Variants in ADARB2 observed in about 807,000 individuals in gnomAD.
ADARB2 encodes adenosine deaminase RNA specific B2 (inactive).
Under a neutral mutation model 62.2 loss-of-function variants are expected in ADARB2, and 25 were observed. The observed-to-expected ratio is 0.40, with a 90% confidence interval of 0.29 to 0.56. ADARB2 has a LOEUF of 0.56. Ranked by LOEUF, ADARB2 falls within the 20% of genes least tolerant of loss-of-function variation. The probability of loss-of-function intolerance (pLI) is 0.43; values close to 1 mark genes in which losing one functional copy is unlikely to be tolerated. For missense variants in ADARB2, 1,071 were observed against 1,077.4 expected (o/e 0.99, Z 0.08); for synonymous variants, 572 against 500.8 (o/e 1.14, Z -1.90).
chr10:1,576,111 A>G (rs115832666), intron 1 of ADARB2, among the ~76,000 whole-genome samples: 127 of 20,738 alleles, frequency 6.1e-3, no homozygotes, highest in African/African-American at 7.8e-3. Flanking sequence ...GGGGGCTCAG[A>G]GTCACAGGAG....
intron 1 of ADARB2, among the ~76,000 whole-genome samples, chr10:1,712,664 C>G (rs1457221042): frequency 0.14 from 4 of 28 alleles, no homozygotes; most frequent in Non-Finnish European, 0.29. Context: ...AAGGAGGGCA[C>G]TGGGCGGGAT....
intron 1 of ADARB2, among the ~76,000 whole-genome samples, chr10:1,627,648 G>T (rs78075520): frequency 0.095 from 14,422 of 152,244 alleles, 832 homozygotes; most frequent in Non-Finnish European, 0.13. Flanking sequence ...ATAAGAAATG[G>T]AGATGCAGAA....
chr10:1,654,374 A>AT (rs1274500784), intron 1 of ADARB2, among the ~76,000 whole-genome samples: 2 of 152,096 alleles, frequency 1.3e-5, no homozygotes, highest in African/African-American at 4.8e-5. Flanking sequence ...GGGCCACCCC[A>AT]TGGCACTGGC....
chr10:1,639,751 G>T (rs960860263), intron 1 of ADARB2, among the ~76,000 whole-genome samples: 1 of 152,026 alleles, frequency 6.6e-6, no homozygotes, highest in African/African-American at 2.4e-5. Context: ...CTGAGGCAGG[G>T]GAATCACTTG....
intron 3 of ADARB2, among the ~76,000 whole-genome samples, chr10:1,304,934 A>C (rs951059941): frequency 1.6e-5 from 2 of 125,686 alleles, no homozygotes; most frequent in Non-Finnish European, 3.5e-5. Context: ...GGAAAGATCC[A>C]AAATTGACAC....
chr10:1,653,263 A>G (rs1229343346), intron 1 of ADARB2, among the ~76,000 whole-genome samples: 1 of 152,210 alleles, frequency 6.6e-6, no homozygotes, highest in Non-Finnish European at 1.5e-5. Flanking sequence ...CTGGGGTCCC[A>G]GTCATGGCAG....
chr10:1,455,763 A>C (rs1481437484), intron 1 of ADARB2, among the ~76,000 whole-genome samples: 2 of 152,188 alleles, frequency 1.3e-5, no homozygotes, highest in African/African-American at 4.8e-5. Flanking sequence ...ATTGAACTGC[A>C]AACTTATTTT....
intron 4 of ADARB2, among the ~76,000 whole-genome samples, chr10:1,263,817 A>C (rs564488272): frequency 3.3e-5 from 5 of 152,084 alleles, no homozygotes; most frequent in Non-Finnish European, 7.3e-5. Flanking sequence ...ATTCCAGGCT[A>C]AACTATTTAA....
At chr10:1,650,853 C>A (rs372256510) in intron 1 of ADARB2, among the ~76,000 whole-genome samples, 1 of 152,122 alleles carries the variant, frequency 6.6e-6, no homozygotes, top group African/African-American at 2.4e-5. Context: ...CAAATGCTGA[C>A]GTGGATGTAG....
At chr10:1,564,909 T>G (rs1257097364) in intron 1 of ADARB2, among the ~76,000 whole-genome samples, 1 of 152,164 alleles carries the variant, frequency 6.6e-6, no homozygotes, top group Non-Finnish European at 1.5e-5. Flanking sequence ...TCCTGTGATC[T>G]CAATTCATCT....
chr10:1,659,374 G>T (rs944321618), intron 1 of ADARB2, among the ~76,000 whole-genome samples: 1 of 152,142 alleles, frequency 6.6e-6, no homozygotes, highest in Non-Finnish European at 1.5e-5. Flanking sequence ...GGGGAAGGCC[G>T]GAGCCAGGCA....
chr10:1,227,914 A>C (rs1191660272), intron 6 of ADARB2, among the ~76,000 whole-genome samples: 1 of 152,222 alleles, frequency 6.6e-6, no homozygotes, highest in Non-Finnish European at 1.5e-5. Context: ...ACGTGGGTGC[A>C]CTTTGCCATA....
At position 1,233,840 on chromosome 10, in the gene ADARB2, C is replaced by T. The variant is rs138937848; in HGVS notation, c.1367G>A (p.Arg456Gln). ...YTQLELHLSK[R>Q]REDSERSIFV... Reference sequence around the variant, plus strand: ...TATCGATCGCTCTGAGTCCTCGCGCCGCTTGCTAGGGTCACAAAGAGGTTT... The same window carrying T: ...TATCGATCGCTCTGAGTCCTCGCGCTGCTTGCTAGGGTCACAAAGAGGTTT... Residue 456 changes from arginine to glutamine, a missense_variant, in exon 6 of 10, where the codon CGG becomes CAG. Physicochemically the swap from Arg to Gln is conservative, Grantham distance 43 (BLOSUM62 1). Coordinates refer to ENST00000381312, the MANE Select transcript of ADARB2 (RefSeq NM_018702.4). 1.1e-3 allele frequency: 1,812 copies of T among 1,613,424 alleles called. 19 individuals are homozygous for T. The African/African-American group carries it at 0.02, about 18-fold the overall frequency.
intron 8 of ADARB2, among the ~76,000 whole-genome samples, chr10:1,193,729 T>A (rs888817321): frequency 3.3e-5 from 5 of 152,232 alleles, no homozygotes; most frequent in African/African-American, 1.2e-4. Flanking sequence ...TATCAGATCG[T>A]AAGTTGAGAT....
chr10:1,189,830 A>AAAATGTCT, intron 8 of ADARB2, among the ~76,000 whole-genome samples: 2 of 87,518 alleles, frequency 2.3e-5, no homozygotes, highest in African/African-American at 5.7e-5. Context: ...TCCCCAGAAC[A>AAAATGTCT]CGTGGCGCTA....
At chr10:1,661,513 T>G (rs1834247795) in intron 1 of ADARB2, among the ~76,000 whole-genome samples, 1 of 152,224 alleles carries the variant, frequency 6.6e-6, no homozygotes, top group Non-Finnish European at 1.5e-5. Context: ...GGAAGTTGTC[T>G]GTCTGAAGAG....
intron 1 of ADARB2, among the ~76,000 whole-genome samples, chr10:1,423,516 C>T (rs61206668): frequency 0.31 from 6,797 of 22,016 alleles, 187 homozygotes; most frequent in Middle Eastern, 0.39. Flanking sequence ...AGGGACTACT[C>T]TTCCTAGGCC....
chr10:1,229,735 T>G (rs1830784214), intron 6 of ADARB2, among the ~76,000 whole-genome samples: 1 of 151,506 alleles, frequency 6.6e-6, no homozygotes, highest in Admixed American at 6.6e-5. Flanking sequence ...CACTTGTGCT[T>G]GTTTGTATGT....
intron 1 of ADARB2, among the ~76,000 whole-genome samples, chr10:1,458,165 C>A (rs955158800): frequency 3.3e-5 from 5 of 152,092 alleles, no homozygotes; most frequent in African/African-American, 1.2e-4. Flanking sequence ...TGTGGTGAAC[C>A]CTCTCTAGGC....
Sources: gnomAD v4.1 joint callset for allele counts (sites outside exome capture counted in the v4.1 genomes callset) on GRCh38, gnomAD v4.1.1 for gene constraint, MANE v1.5 for transcripts, NCBI Gene and HGNC (gene_info 2026-07-23, HGNC 2026-07-21) for gene names.